Variants in GFRA1 observed in about 807,000 individuals in gnomAD.
The protein encoded by GFRA1 is GDNF family receptor alpha-1.
GFRA1 carries 16 observed loss-of-function variants against 51.6 expected under a neutral mutation model. The ratio of observed to expected loss-of-function variants is 0.31; its 90% CI spans 0.21 to 0.47. GFRA1 has a LOEUF of 0.47. Ranked by LOEUF, GFRA1 falls within the 20% of genes least tolerant of loss-of-function variation. GFRA1 has a pLI of 1.00. For synonymous variants in GFRA1, 270 were observed against 241.3 expected, an observed-to-expected ratio of 1.12 and a Z score of -1.10; for missense variants, 530 against 594.3, an observed-to-expected ratio of 0.89 and a Z score of 1.13.
At chr10:116,091,094 T>C (rs1369292591) in intron 8 of GFRA1, among the ~76,000 whole-genome samples, 1 of 152,228 alleles carries the variant, frequency 6.6e-6, no homozygotes, top group African/African-American at 2.4e-5. Flanking sequence ...CCACCACTGC[T>C]ACCCTTGCTT....
rs76253448 is a variant in GFRA1 at position 116,065,595 on chromosome 10, T to C, written c.1229A>G (p.Asn410Ser). The C allele has an allele frequency of 2.7e-5, 43 of 1,613,624 alleles. No homozygotes were observed. Among genetic ancestry groups the C allele is most frequent in the Admixed American group, 8.3e-5 (5 of 60,024 alleles). ...AQKLKSNVSG[N>S]THLCISNGNY... ...TACATTGGAAATACAGAGGTGTGTATTGCCCGACACATTGGATTTCAGCTT... is the reference window on the plus strand; with the variant it reads ...TACATTGGAAATACAGAGGTGTGTACTGCCCGACACATTGGATTTCAGCTT... Residue 410 changes from asparagine to serine, a missense_variant, in exon 10 of 11, where the codon AAT (asparagine) becomes AGT (serine). Coordinates refer to ENST00000355422, the MANE Select transcript of GFRA1 (RefSeq NM_005264.8).
At chr10:116,184,638 G>A (rs1375098028) in intron 5 of GFRA1, among the ~76,000 whole-genome samples, 2 of 152,198 alleles carry the variant, frequency 1.3e-5, no homozygotes, top group Non-Finnish European at 2.9e-5. Flanking sequence ...TGGGCCTCCC[G>A]GCCAGCTGCT....
At chr10:116,222,988 A>G (rs998523631) in intron 4 of GFRA1, among the ~76,000 whole-genome samples, 4 of 152,230 alleles carry the variant, frequency 2.6e-5, no homozygotes, top group African/African-American at 4.8e-5. Context: ...ATTTAAATTA[A>G]CTCTATACAG....
At chr10:116,111,608 C>A (rs772198537) in intron 6 of GFRA1, among the ~76,000 whole-genome samples, 51 of 152,200 alleles carry the variant, frequency 3.4e-4, no homozygotes, top group Non-Finnish European at 5.7e-4. Context: ...AGCCTACTCC[C>A]ATCTGGTGCC....
chr10:116,155,789 C>G (rs553661798), intron 5 of GFRA1, among the ~76,000 whole-genome samples: 1 of 152,142 alleles, frequency 6.6e-6, no homozygotes, highest in Non-Finnish European at 1.5e-5. Context: ...GCTGGACACA[C>G]GCCGGAGCCA....
At chr10:116,112,956 C>T (rs1257795843) in intron 6 of GFRA1, among the ~76,000 whole-genome samples, 1 of 152,200 alleles carries the variant, frequency 6.6e-6, no homozygotes, top group Non-Finnish European at 1.5e-5. Context: ...GGTGCACACA[C>T]AAGTCTTCCA....
intron 4 of GFRA1, among the ~76,000 whole-genome samples, chr10:116,219,049 T>A (rs1168396536): frequency 6.6e-6 from 1 of 152,144 alleles, no homozygotes. Context: ...CTGCTACATT[T>A]ACTAGGGAAT....
At chr10:116,084,323 G>A (rs1265016078) in intron 9 of GFRA1, among the ~76,000 whole-genome samples, 1 of 152,210 alleles carries the variant, frequency 6.6e-6, no homozygotes, top group Non-Finnish European at 1.5e-5. Flanking sequence ...CTAGAATGCT[G>A]TTTTAAAAGT....
chr10:116,225,427 C>T (rs1274291006), intron 4 of GFRA1, among the ~76,000 whole-genome samples: 1 of 145,596 alleles, frequency 6.9e-6, no homozygotes, highest in Non-Finnish European at 1.5e-5. Flanking sequence ...CCCTGCTACT[C>T]GGGAGGCTGA....
chr10:116,216,055 C>T (rs1965539905), intron 4 of GFRA1, among the ~76,000 whole-genome samples: 1 of 152,140 alleles, frequency 6.6e-6, no homozygotes, highest in Non-Finnish European at 1.5e-5. Context: ...AGGATATTTG[C>T]CCCTTCCCCC....
intron 5 of GFRA1, among the ~76,000 whole-genome samples, chr10:116,125,996 A>C (rs1957857537): frequency 1.3e-5 from 2 of 152,248 alleles, no homozygotes; most frequent in Admixed American, 1.3e-4. Flanking sequence ...TAATAAATGC[A>C]TATAGTACAT....
chr10:116,192,641 C>T (rs1963376177), intron 5 of GFRA1, among the ~76,000 whole-genome samples: 1 of 152,192 alleles, frequency 6.6e-6, no homozygotes, highest in Admixed American at 6.5e-5. Flanking sequence ...CGCCCTATCT[C>T]AAAGCTGACC....
chr10:116,170,019 C>T (rs1960874551), intron 5 of GFRA1, among the ~76,000 whole-genome samples: 1 of 152,188 alleles, frequency 6.6e-6, no homozygotes, highest in Admixed American at 6.5e-5. Context: ...CACCCACTCA[C>T]ATGCATGCAC....
At chr10:116,132,992 T>G (rs567591183) in intron 5 of GFRA1, among the ~76,000 whole-genome samples, 307 of 152,106 alleles carry the variant, frequency 2.0e-3, no homozygotes, top group Non-Finnish European at 3.4e-3. Context: ...CAGCTCATTT[T>G]AGAGCTCAGC....
chr10:116,261,512 T>G (rs965991118), intron 4 of GFRA1, among the ~76,000 whole-genome samples: 7 of 152,216 alleles, frequency 4.6e-5, no homozygotes, highest in Admixed American at 3.3e-4. Context: ...TACTCTCATT[T>G]TCTCTTTTCC....
At position 116,062,338 on chromosome 10, in the gene GFRA1, A is replaced by G. The variant is rs1954856488; in HGVS notation, c.*2060T>C. 5.2e-6 allele frequency: 2 copies of G among 387,988 alleles called. No homozygotes were observed. The highest frequency in any genetic ancestry group is 7.3e-5 in the East Asian group (2 of 27,282). 24.0% of individuals were successfully genotyped at this position (387,988 alleles called of 1,614,324 possible). A position where few individuals can be genotyped will look rare whatever the true frequency, so the allele number is the denominator to read the frequency against. ...CCAAATATTTTGACACACTTACTTA[A>G]TGTGTTTATTCAAAGTAAGAGTCTT... On this transcript the variant is annotated 3_prime_UTR_variant, in exon 11 of 11. Transcript: ENST00000355422.
chr10:116,110,234 GC>G (rs1834227681), intron 6 of GFRA1, among the ~76,000 whole-genome samples: 1 of 152,146 alleles, frequency 6.6e-6, no homozygotes, highest in Non-Finnish European at 1.5e-5. Context: ...ACCCTCTGCT[GC>G]CCATGATGAC....
chr10:116,103,028 G>A (rs1219569100), intron 6 of GFRA1, among the ~76,000 whole-genome samples: 1 of 152,194 alleles, frequency 6.6e-6, no homozygotes, highest in Non-Finnish European at 1.5e-5. Context: ...TGGTAGATAA[G>A]AAGATGCACA....
At chr10:116,174,115 C>A (rs970113476) in intron 5 of GFRA1, among the ~76,000 whole-genome samples, 1 of 145,984 alleles carries the variant, frequency 6.9e-6, no homozygotes, top group Non-Finnish European at 1.5e-5. Context: ...GGTCTGCCAA[C>A]CCTGGTCTTT....
Sources: gnomAD v4.1 joint callset for allele counts (sites outside exome capture counted in the v4.1 genomes callset) on GRCh38, gnomAD v4.1.1 for gene constraint, MANE v1.5 for transcripts, NCBI Gene and HGNC (gene_info 2026-07-23, HGNC 2026-07-21) for gene names.